Variants in STT3B observed in about 807,000 individuals in gnomAD.
The protein encoded by STT3B is STT3 oligosaccharyltransferase complex catalytic subunit B.
A neutral mutation model predicts 96.8 loss-of-function variants in STT3B; 29 were observed. The observed-to-expected ratio is 0.30, with a 90% CI of 0.22 to 0.41. The LOEUF (loss-of-function observed/expected upper bound fraction) is 0.41, where lower values mean the gene tolerates loss of function less well. Among genes scored for constraint, STT3B ranks in the 10% least tolerant of loss-of-function variants. The pLI is 1.00. For synonymous variants in STT3B, 367 were observed against 360.0 expected (o/e 1.02, Z -0.22); for missense variants, 640 against 1,022.3 (o/e 0.63, Z 5.10).
intron 12 of STT3B, among the ~76,000 whole-genome samples, chr3:31,625,349 CTG>C (rs1699512806): frequency 6.6e-6 from 1 of 152,110 alleles, no homozygotes; most frequent in Non-Finnish European, 1.5e-5. Context: ...TAGACAAAAT[CTG>C]AAACTTAAAA....
chr3:31,570,985 CT>C lies in STT3B; in HGVS notation c.315-5409del, dbSNP rs368796377. Among the ~76,000 whole-genome samples, 37 of 152,216 alleles carry C rather than the reference CT, an allele frequency of 2.4e-4. No homozygotes were observed. In the East Asian group the frequency reaches 5.6e-3, roughly 23 times the overall value. ...CTTTCTGAACTGACTTAACAGGATT[CT>C]TGCTGTAACTGGGCAGTCCAGGCCC... On this transcript the variant is annotated intron_variant, in intron 1 of 15. Transcript: ENST00000295770.
chr3:31,569,650 T>C (rs1245721178), intron 1 of STT3B, among the ~76,000 whole-genome samples: 1 of 152,170 alleles, frequency 6.6e-6, no homozygotes, highest in African/African-American at 2.4e-5. Flanking sequence ...AAAACTTGCA[T>C]TGACAGTATT....
chr3:31,540,952 C>A (rs1389909683), intron 1 of STT3B, among the ~76,000 whole-genome samples: 1 of 152,106 alleles, frequency 6.6e-6, no homozygotes, highest in Non-Finnish European at 1.5e-5. Context: ...ACCAGTAACA[C>A]CTGTAGACTA....
At position 31,630,031 on chromosome 3, in the gene STT3B, A is replaced by G. The variant is rs564279516; in HGVS notation, c.2187+620A>G. On this transcript the variant is annotated intron_variant, in intron 14 of 15. Transcript: ENST00000295770. ...TGTCAAGTCATGTAACTCTCAGACAATTTGTATCTGCCTTGGATTCCACTT... is the reference window on the plus strand; with the variant it reads ...TGTCAAGTCATGTAACTCTCAGACAGTTTGTATCTGCCTTGGATTCCACTT... Among the ~76,000 whole-genome samples, 4 of 152,244 alleles carry G rather than the reference A, an allele frequency of 2.6e-5. No homozygotes were observed. In the East Asian group the frequency reaches 7.7e-4, roughly 29 times the overall value.
intron 1 of STT3B, among the ~76,000 whole-genome samples, chr3:31,559,802 A>G (rs933174046): frequency 6.6e-6 from 1 of 152,084 alleles, no homozygotes; most frequent in Non-Finnish European, 1.5e-5. Context: ...GTCCCCAACT[A>G]TTATTGTATT....
rs555687019 is a variant in STT3B, at chr3:31,533,031, C to T, written c.33C>T (p.His11=). 1.1e-5 allele frequency: 17 copies of T among 1,588,596 alleles called. No individual in the cohort carries two copies. The East Asian group carries it at 2.0e-4, about 18-fold the overall frequency. ...AGCCCTCGGCCCCGGAGAGCAAGCACAAGTCGTCCCTCAACTCGTCCCCGT... is the reference window on the plus strand; with the variant it reads ...AGCCCTCGGCCCCGGAGAGCAAGCATAAGTCGTCCCTCAACTCGTCCCCGT... MAEPSAPESK[H]KSSLNSSPWS... Residue 11 remains histidine, a synonymous_variant, in exon 1 of 16, where the codon CAC becomes CAT. Coordinates refer to ENST00000295770, the MANE Select transcript of STT3B (RefSeq NM_178862.3).
chr3:31,622,815 C>G (rs375415616), intron 10 of STT3B, among the ~76,000 whole-genome samples: 89 of 152,234 alleles, frequency 5.8e-4, no homozygotes, highest in African/African-American at 1.9e-3. Context: ...CTGGCCAATA[C>G]AGGTAATTTA....
intron 1 of STT3B, among the ~76,000 whole-genome samples, chr3:31,574,914 TA>T (rs542860719): frequency 2.1e-4 from 32 of 152,190 alleles, no homozygotes; most frequent in Non-Finnish European, 3.4e-4. Context: ...CTAGACTACT[TA>T]AATTTTTTTA....
At chr3:31,537,586 C>A (rs544850601) in intron 1 of STT3B, among the ~76,000 whole-genome samples, 12 of 152,306 alleles carry the variant, frequency 7.9e-5, no homozygotes, top group African/African-American at 2.4e-4. Flanking sequence ...TAGTTAGGGT[C>A]TGTCATGAAT....
At chr3:31,611,743 C>T (rs373511462) in intron 5 of STT3B, among the ~76,000 whole-genome samples, 6 of 151,960 alleles carry the variant, frequency 3.9e-5, no homozygotes, top group East Asian at 1.9e-4. Context: ...GTGATGCATC[C>T]GCCTCAGCCT....
chr3:31,604,195 T>C (rs1456982658), intron 5 of STT3B, among the ~76,000 whole-genome samples: 6 of 152,088 alleles, frequency 3.9e-5, no homozygotes, highest in African/African-American at 1.4e-4. Flanking sequence ...ATTTTTTAGA[T>C]GATATTTGCT....
chr3:31,552,931 G>A (rs542668567), intron 1 of STT3B, among the ~76,000 whole-genome samples: 24 of 151,718 alleles, frequency 1.6e-4, no homozygotes, highest in Admixed American at 3.9e-4. Context: ...GTGAAACCCC[G>A]TCTCTACTAA....
chr3:31,610,714 T>C (rs1699163000), intron 5 of STT3B, among the ~76,000 whole-genome samples: 1 of 152,208 alleles, frequency 6.6e-6, no homozygotes, highest in Admixed American at 6.5e-5. Context: ...CTTTAGGTTC[T>C]GTTGAGATTA....
intron 14 of STT3B, among the ~76,000 whole-genome samples, chr3:31,631,132 A>T (rs1296736725): frequency 1.3e-5 from 2 of 152,198 alleles, no homozygotes; most frequent in Admixed American, 1.3e-4. Context: ...CTTTGTGGCT[A>T]ATATGGACTA....
chr3:31,630,559 C>G (rs551703173), intron 14 of STT3B, among the ~76,000 whole-genome samples: 5 of 152,290 alleles, frequency 3.3e-5, no homozygotes, highest in Admixed American at 3.3e-4. Context: ...TTGTTTTGCT[C>G]TTGTTAATCT....
intron 1 of STT3B, among the ~76,000 whole-genome samples, chr3:31,541,309 C>A (rs1361153424): frequency 6.6e-6 from 1 of 152,176 alleles, no homozygotes; most frequent in Non-Finnish European, 1.5e-5. Context: ...TGGTGTGTTT[C>A]TCAATCCCTT....
intron 12 of STT3B, among the ~76,000 whole-genome samples, chr3:31,625,721 A>G (rs1364960938): frequency 6.6e-6 from 1 of 152,232 alleles, no homozygotes; most frequent in East Asian, 1.9e-4. Context: ...GAACTTAATT[A>G]TTAGCAAAAT....
chr3:31,554,382 G>A (rs1697640850), intron 1 of STT3B, among the ~76,000 whole-genome samples: 1 of 152,090 alleles, frequency 6.6e-6, no homozygotes, highest in Admixed American at 6.5e-5. Context: ...TGGTTACATA[G>A]CTTTTTGTCT....
chr3:31,622,393 A>G (rs1205287635), intron 10 of STT3B, 85 bp downstream of exon 10: 5 of 1,119,970 alleles, frequency 4.5e-6, no homozygotes, highest in Non-Finnish European at 6.4e-6. Context: ...ATATCAAGAA[A>G]TGTTATTAAA....
Sources: gnomAD v4.1 joint callset for allele counts (sites outside exome capture counted in the v4.1 genomes callset) on GRCh38, gnomAD v4.1.1 for gene constraint, MANE v1.5 for transcripts, NCBI Gene and HGNC (gene_info 2026-07-23, HGNC 2026-07-21) for gene names.